ATE1: variants seen among roughly 807,000 people sequenced by gnomAD.
ATE1 encodes arginyltransferase 1, also known as arginyl-tRNA--protein transferase 1.
ATE1 carries 36 observed loss-of-function variants against 70.5 expected under a neutral mutation model. The observed-to-expected ratio is 0.51, with a 90% CI of 0.39 to 0.67. The LOEUF (loss-of-function observed/expected upper bound fraction) is 0.67, where lower values mean the gene tolerates loss of function less well. Ranked by LOEUF, ATE1 falls within the 30% of genes least tolerant of loss-of-function variation. ATE1 has a pLI of 0.00. For synonymous variants in ATE1, 232 were observed against 219.3 expected (o/e 1.06, Z -0.51); for missense variants, 593 against 629.5 (o/e 0.94, Z 0.62).
intron 10 of ATE1, among the ~76,000 whole-genome samples, chr10:121,797,025 G>C (rs529441967): frequency 6.6e-6 from 1 of 152,342 alleles, no homozygotes; most frequent in South Asian, 2.1e-4. Flanking sequence ...TTGATAGCCA[G>C]AGGTTAAAAG....
rs1947809778 is a variant in ATE1, at chr10:121,821,799, T to C, written c.1257+14919A>G. Among the ~76,000 whole-genome samples, 3 of 152,182 alleles carry C rather than the reference T, an allele frequency of 2.0e-5. No homozygotes were observed. The South Asian group carries it at 6.2e-4, about 31-fold the overall frequency. On this transcript the variant is annotated intron_variant, in intron 10 of 11. Coordinates refer to ENST00000224652, the MANE Select transcript of ATE1 (RefSeq NM_001001976.3). The stretch of plus-strand genomic sequence containing the variant: ...AGGAGGCTGAGACAGGAGAATCACT[T>C]GAACCTGGGAGGCAGAGGATGCAGT...
chr10:121,906,270 G>A (rs530155966), intron 5 of ATE1, among the ~76,000 whole-genome samples: 4 of 152,116 alleles, frequency 2.6e-5, no homozygotes, highest in South Asian at 2.1e-4. Flanking sequence ...GCTCACGCCC[G>A]TAATCCCAAC....
intron 11 of ATE1, among the ~76,000 whole-genome samples, chr10:121,745,545 T>C (rs1025797103): frequency 6.6e-6 from 1 of 151,632 alleles, no homozygotes; most frequent in South Asian, 2.1e-4. Context: ...TGAAACCCCG[T>C]CTCTACTAAA....
At chr10:121,906,845 T>C (rs1951215801) in intron 5 of ATE1, among the ~76,000 whole-genome samples, 1 of 152,080 alleles carries the variant, frequency 6.6e-6, no homozygotes, top group Non-Finnish European at 1.5e-5. Context: ...GTGATCCGCC[T>C]GTCTCGGCCT....
At chr10:121,768,037 C>T (rs1233956347) in intron 11 of ATE1, among the ~76,000 whole-genome samples, 1 of 152,204 alleles carries the variant, frequency 6.6e-6, no homozygotes, top group Non-Finnish European at 1.5e-5. Context: ...AAAATTCTAA[C>T]ATATGCTACA....
intron 10 of ATE1, among the ~76,000 whole-genome samples, chr10:121,821,416 T>C (rs1947792572): frequency 1.3e-5 from 2 of 152,176 alleles, no homozygotes; most frequent in African/African-American, 4.8e-5. Context: ...GAAGAAGGTA[T>C]CTGGTAAAAC....
chr10:121,776,245 G>A (rs1945734146), intron 11 of ATE1, among the ~76,000 whole-genome samples: 1 of 151,782 alleles, frequency 6.6e-6, no homozygotes, highest in African/African-American at 2.4e-5. Context: ...TTGCCCTATT[G>A]TGCTACCAAA....
intron 10 of ATE1, among the ~76,000 whole-genome samples, chr10:121,800,872 T>C (rs1005397691): frequency 6.6e-6 from 1 of 152,194 alleles, no homozygotes; most frequent in African/African-American, 2.4e-5. Flanking sequence ...TAAAGGCTTA[T>C]TAAACCCAGT....
intron 11 of ATE1, among the ~76,000 whole-genome samples, chr10:121,752,893 T>G (rs1944645912): frequency 6.6e-6 from 1 of 152,220 alleles, no homozygotes; most frequent in South Asian, 2.1e-4. Flanking sequence ...CAGCTGGGAT[T>G]TTAATAGATC....
At chr10:121,923,892 CCTCT>C (rs1326534144) in intron 2 of ATE1, among the ~76,000 whole-genome samples, 1 of 152,112 alleles carries the variant, frequency 6.6e-6, no homozygotes, top group Non-Finnish European at 1.5e-5. Flanking sequence ...GAAAAAAAGA[CCTCT>C]CTCTTAGAGA....
In ATE1 at chr10:121,771,447, A is replaced by G. The variant is rs191252593; in HGVS notation, c.1378+18722T>C. 3.7e-4 allele frequency among the ~76,000 whole-genome samples: 56 copies of G among 152,314 alleles called. 1 individual carries two copies. Among genetic ancestry groups the G allele is most frequent in the Admixed American group, 1.4e-3 (22 of 15,300 alleles). On this transcript the variant is annotated intron_variant, in intron 11 of 11. Transcript: ENST00000224652. ...TGTTTAGATTATAGAACCATTCCTA[A>G]TATGAACATAGGGAGTACTTATCTA...
chr10:121,771,050 C>G (rs1362448589), intron 11 of ATE1, among the ~76,000 whole-genome samples: 1 of 152,126 alleles, frequency 6.6e-6, no homozygotes, highest in East Asian at 1.9e-4. Flanking sequence ...ACTGAAGTTA[C>G]ACACAACCAT....
At chr10:121,801,405 T>C (rs1946873124) in intron 10 of ATE1, among the ~76,000 whole-genome samples, 1 of 152,154 alleles carries the variant, frequency 6.6e-6, no homozygotes, top group Non-Finnish European at 1.5e-5. Context: ...TTAATCTTTT[T>C]TCTTCTAAAA....
At chr10:121,778,283 C>G (rs905250701) in intron 11 of ATE1, among the ~76,000 whole-genome samples, 1 of 152,178 alleles carries the variant, frequency 6.6e-6, no homozygotes, top group Non-Finnish European at 1.5e-5. Flanking sequence ...TGGGTCAAGA[C>G]AGTCATTTTC....
At chr10:121,855,167 T>G (rs924861186) in intron 8 of ATE1, among the ~76,000 whole-genome samples, 2 of 152,236 alleles carry the variant, frequency 1.3e-5, no homozygotes, top group African/African-American at 4.8e-5. Context: ...CTCTCTGCTG[T>G]GGACAGCTTT....
chr10:121,824,920 T>C (rs910221614), intron 10 of ATE1, among the ~76,000 whole-genome samples: 1 of 151,192 alleles, frequency 6.6e-6, no homozygotes, highest in Non-Finnish European at 1.5e-5. Flanking sequence ...ATAATAAATA[T>C]TTGAAAAGCA....
chr10:121,764,098 T>C (rs10749427), intron 11 of ATE1, among the ~76,000 whole-genome samples: 146,728 of 152,122 alleles, frequency 0.96, 70,953 homozygotes, highest in East Asian at 1. Context: ...TCAACTGTAA[T>C]AAATGTAGCA....
intron 7 of ATE1, among the ~76,000 whole-genome samples, chr10:121,882,466 A>G (rs2134123430): frequency 6.6e-6 from 1 of 152,352 alleles, no homozygotes; most frequent in African/African-American, 2.4e-5. Context: ...GTATAGCCTT[A>G]TGTAATTATC....
rs1360505791 is a variant in ATE1 at position 121,870,102 on chromosome 10, GAA to G, written c.943-66_943-65del. On this transcript the variant is annotated intron_variant, in intron 7 of 11. Transcript: ENST00000224652. ...AACAGACGGCAAAAAGGAACACAGAGAAAAAGAAAAAATTATTATACAATTTT... is the reference window on the plus strand; with the variant it reads ...AACAGACGGCAAAAAGGAACACAGAGAAAGAAAAAATTATTATACAATTTT... 3.5e-6 allele frequency: 5 copies of G among 1,445,534 alleles called. No individual in the cohort carries two copies. In the East Asian group the frequency reaches 9.1e-5, roughly 26 times the overall value. The allele number at this position is 1,445,534 out of a possible 1,614,324, so 89.5% of individuals were successfully genotyped here. A position where few individuals can be genotyped will look rare whatever the true frequency, so the allele number is the denominator to read the frequency against.
Sources: allele counts gnomAD v4.1 joint callset (sites outside exome capture counted in the v4.1 genomes callset), GRCh38; gene constraint gnomAD v4.1.1; transcripts MANE v1.5; gene names NCBI Gene and HGNC (gene_info 2026-07-23, HGNC 2026-07-21).